CYP4B1: variants seen among roughly 807,000 people sequenced by gnomAD.
CYP4B1 encodes cytochrome P450 4B1.
A neutral mutation model predicts 54.0 loss-of-function variants in CYP4B1; 45 were observed. That is an observed-to-expected ratio of 0.83 (90% CI 0.66 to 1.07). The LOEUF is 1.07. Ranked by LOEUF, CYP4B1 falls within the 50% of genes least tolerant of loss-of-function variation. The probability of loss-of-function intolerance (pLI) is 0.00; values close to 1 mark genes in which losing one functional copy is unlikely to be tolerated. For missense variants in CYP4B1, 656 were observed against 655.4 expected (o/e 1.00, Z -0.01); for synonymous variants, 248 against 247.5 (o/e 1.00, Z -0.02).
In CYP4B1 at chr1:46,819,263, T is replaced by C. The variant is rs1434842415; in HGVS notation, c.*449T>C. The C allele has an allele frequency of 6.3e-6, 1 of 157,904 alleles. No individual in the cohort carries two copies. The highest frequency in any genetic ancestry group is 1.4e-5 in the Non-Finnish European group (1 of 71,914). 9.8% of individuals were successfully genotyped at this position (157,904 alleles called of 1,614,324 possible). On this transcript the variant is annotated 3_prime_UTR_variant, in exon 12 of 12. Transcript: ENST00000371923. Reference sequence around the variant, plus strand: ...TGAGATGTGTTTCTTTGTTGAACTTTGTGTGTGTGTGTTTAGAATATAACA... The same window carrying C: ...TGAGATGTGTTTCTTTGTTGAACTTCGTGTGTGTGTGTTTAGAATATAACA...
intron 1 of CYP4B1, among the ~76,000 whole-genome samples, 197 bp from the exon 2 acceptor site, chr1:46,810,611 G>A (rs1213083107): frequency 1.3e-5 from 2 of 152,162 alleles, no homozygotes; most frequent in Admixed American, 6.5e-5. Context: ...GAAGAGGGCG[G>A]CTTGGAATTA....
At chr1:46,809,419 T>G (rs1028404116) in intron 1 of CYP4B1, among the ~76,000 whole-genome samples, 1 of 152,218 alleles carries the variant, frequency 6.6e-6, no homozygotes, top group Non-Finnish European at 1.5e-5. Context: ...TTGGATACTA[T>G]CAGTGAATAG....
intron 1 of CYP4B1, among the ~76,000 whole-genome samples, chr1:46,802,074 G>C (rs2148394878): frequency 6.6e-6 from 1 of 152,134 alleles, no homozygotes; most frequent in African/African-American, 2.4e-5. Flanking sequence ...ATTCTTCCAG[G>C]GTCCCCCTCA....
chr1:46,808,980 G>A (rs1385032620), intron 1 of CYP4B1, among the ~76,000 whole-genome samples: 1 of 108,980 alleles, frequency 9.2e-6, no homozygotes, highest in Non-Finnish European at 1.8e-5. Flanking sequence ...GGGGTGGGGG[G>A]AGGGGGGAGG....
rs1195536964 is a variant in CYP4B1 at position 46,801,385 on chromosome 1, G to T, written c.180+2124G>T. ...TCAGCCAGGGACTTCTTTAGGACAG[G>T]GACCTTGCACCCCCACCTCCATGTC... On this transcript the variant is annotated intron_variant, in intron 1 of 11. Coordinates refer to ENST00000371923, the MANE Select transcript of CYP4B1 (RefSeq NM_001099772.2). 2.0e-5 allele frequency among the ~76,000 whole-genome samples: 3 copies of T among 152,156 alleles called. No individual in the cohort carries two copies. In the East Asian group the frequency reaches 5.8e-4, roughly 29 times the overall value.
At position 46,812,529 on chromosome 1, in the gene CYP4B1, G is replaced by A. The variant is rs370962235; in HGVS notation, c.401G>A (p.Trp134Ter). ...CTGCTGGTTCTTGAGGGGCCCAAGT[G>A]GTTGCAGCACCGCAAGCTGCTCACA... Reference protein sequence around the residue: ...RGLLVLEGPKWLQHRKLLTPG... With the variant: ...RGLLVLEGPK Residue 134 changes from tryptophan (W) to a stop codon, truncating the protein, a stop_gained, in exon 4 of 12, where the codon TGG (tryptophan) becomes TAG (stop). Coordinates refer to ENST00000371923, the MANE Select transcript of CYP4B1 (RefSeq NM_001099772.2). LOFTEE classifies it high-confidence loss of function. 1.2e-6 allele frequency: 2 copies of A among 1,613,846 alleles called. No individual in the cohort carries two copies. The highest frequency in any genetic ancestry group is 2.7e-5 in the African/African-American group (2 of 74,900).
At chr1:46,800,122 C>T (rs531111256) in intron 1 of CYP4B1, among the ~76,000 whole-genome samples, 1 of 152,054 alleles carries the variant, frequency 6.6e-6, no homozygotes, top group African/African-American at 2.4e-5. Flanking sequence ...TTCTTTCTTT[C>T]CCTCTCTTTT....
At chr1:46,815,327 G>A (rs1679295237) in intron 8 of CYP4B1, 63 bp downstream of exon 8, 1 of 1,408,864 alleles carries the variant, frequency 7.1e-7, no homozygotes, top group Admixed American at 2.5e-5. Flanking sequence ...TGCCCATCCT[G>A]TCCTGAACCA....
At chr1:46,813,046 A>G (rs183813932) in intron 4 of CYP4B1, among the ~76,000 whole-genome samples, 38 of 152,294 alleles carry the variant, frequency 2.5e-4, no homozygotes, top group Admixed American at 2.2e-3. Context: ...AATACAACTC[A>G]TCTCTAAGAG....
intron 7 of CYP4B1, 36 bp downstream of exon 7, chr1:46,814,351 G>T: frequency 6.5e-7 from 1 of 1,528,372 alleles, no homozygotes; most frequent in South Asian, 1.1e-5. Flanking sequence ...CCTGAGGACT[G>T]GTCCCAGAGA....
intron 1 of CYP4B1, 69 bp from the exon 2 acceptor site, chr1:46,810,739 C>T: frequency 1.9e-6 from 3 of 1,583,546 alleles, no homozygotes; most frequent in Non-Finnish European, 2.6e-6. Context: ...CCCTGCCCTC[C>T]CAGGGACTTG....
At chr1:46,804,210 C>T (rs778918848) in intron 1 of CYP4B1, among the ~76,000 whole-genome samples, 22 of 151,946 alleles carry the variant, frequency 1.4e-4, no homozygotes, top group Non-Finnish European at 2.9e-4. Flanking sequence ...GAGGGGAGGA[C>T]ATCCAGGAGA....
Position 46,815,415 on chromosome 1 carries a change from G to T in CYP4B1, c.1073+151G>T, listed in dbSNP as rs1003287250. 5.6e-5 allele frequency: 37 copies of T among 657,832 alleles called. No homozygotes were observed. The African/African-American group carries it at 6.4e-4, about 11-fold the overall frequency. 40.7% of individuals were successfully genotyped at this position (657,832 alleles called of 1,614,324 possible). On this transcript the variant is annotated intron_variant, in intron 8 of 11. Transcript: ENST00000371923. ...ACCTTTTGTGGTGGTGGGGGGTGGG[G>T]AGAGTGGTTGGCTGGGCACAGATGC...
chr1:46,805,091 T>G (rs1312525407), intron 1 of CYP4B1, among the ~76,000 whole-genome samples: 2 of 152,234 alleles, frequency 1.3e-5, no homozygotes, highest in Non-Finnish European at 2.9e-5. Flanking sequence ...GCCCATGTGT[T>G]GGAAGAGTGG....
chr1:46,810,767 A>G, intron 1 of CYP4B1, 41 bp from the exon 2 acceptor site: 1 of 1,612,326 alleles, frequency 6.2e-7, no homozygotes, highest in Non-Finnish European at 8.5e-7. Context: ...GCTGGTGACA[A>G]TGTGTTCCTG....
rs2297809 is a variant in CYP4B1, at chr1:46,817,100, C to T, written c.1126C>T (p.Arg376Cys). 230,578 of 1,613,874 alleles carry T rather than the reference C, an allele frequency of 0.14. 17,222 individuals carry two copies. The highest frequency in any genetic ancestry group is 0.27 in the East Asian group (12,027 of 44,852). ...YLTMCIKESF[R>C]LYPPVPQVYR... ...GACCATGTGCATCAAGGAGAGCTTC[C>T]GCCTCTACCCACCTGTGCCCCAGGT... Residue 376 changes from arginine to cysteine, a missense_variant, in exon 9 of 12, where the codon CGC becomes TGC. Transcript: ENST00000371923.
At chr1:46,799,309 C>T (rs989617923) in intron 1 of CYP4B1, 48 bp downstream of exon 1, 2 of 1,517,816 alleles carry the variant, frequency 1.3e-6, no homozygotes, top group African/African-American at 2.8e-5. Context: ...ATCCTCCCTC[C>T]TTTCAGAGAA....
Position 46,811,197 on chromosome 1 carries a change from C to T in CYP4B1, c.367+13C>T, listed in dbSNP as rs1207960790. 2 of 1,613,710 alleles carry T rather than the reference C, an allele frequency of 1.2e-6. No homozygotes were observed. Among genetic ancestry groups the T allele is most frequent in the African/African-American group, 2.7e-5 (2 of 74,890 alleles). On this transcript the variant is annotated intron_variant, in intron 3 of 11. Transcript: ENST00000371923. ...CTCCAGTGGATTGGTGAGTGAGCACCTGCCTTCCCTGCCCTGCCAACCTCA... is the reference window on the plus strand; with the variant it reads ...CTCCAGTGGATTGGTGAGTGAGCACTTGCCTTCCCTGCCCTGCCAACCTCA...
At chr1:46,814,976 C>T in intron 7 of CYP4B1, 98 bp from the exon 8 acceptor site, 4 of 1,081,252 alleles carry the variant, frequency 3.7e-6, no homozygotes, top group Non-Finnish European at 4.1e-6. Flanking sequence ...GCTTTCACTC[C>T]CTCCCAGAGA....
Sources: gnomAD v4.1 joint callset for allele counts (sites outside exome capture counted in the v4.1 genomes callset) on GRCh38, gnomAD v4.1.1 for gene constraint, MANE v1.5 for transcripts, NCBI Gene and HGNC (gene_info 2026-07-23, HGNC 2026-07-21) for gene names.